Variants in FRY observed in about 807,000 individuals in gnomAD.
The protein encoded by FRY is protein furry homolog.
Under a neutral mutation model 348.4 loss-of-function variants are expected in FRY, and 128 were observed. That is an observed-to-expected ratio of 0.37 (90% CI 0.32 to 0.43). The LOEUF is 0.43. Among genes scored for constraint, FRY ranks in the 20% least tolerant of loss-of-function variants. FRY has a pLI of 1.00. For synonymous variants in FRY, 1,370 were observed against 1,374.7 expected (o/e 1.00, Z 0.08); for missense variants, 2,736 against 3,695.2 (o/e 0.74, Z 6.73).
rs994394060 is a variant in FRY at position 32,098,927 on chromosome 13, G to A, written c.271-3036G>A. Among the ~76,000 whole-genome samples, 104 of 152,044 alleles carry A rather than the reference G, an allele frequency of 6.8e-4. 1 individual carries two copies. The highest frequency in any genetic ancestry group is 2.5e-3 in the African/African-American group (102 of 41,322). ...CTGTATATTTTGCAATGGAGACAGA[G>A]TAGTTGATTTGTAAGGCTCTTGGTG... On this transcript the variant is annotated intron_variant, in intron 2 of 60. Transcript: ENST00000542859.
intron 2 of FRY, among the ~76,000 whole-genome samples, chr13:32,089,672 G>A (rs1292112140): frequency 6.6e-6 from 1 of 152,154 alleles, no homozygotes; most frequent in Non-Finnish European, 1.5e-5. Flanking sequence ...AGGCTGAGGT[G>A]GGAGGACCAT....
intron 19 of FRY, 56 bp downstream of exon 19, chr13:32,173,605 T>C (rs1882215948): frequency 2.3e-6 from 3 of 1,304,326 alleles, no homozygotes; most frequent in African/African-American, 2.9e-5. Context: ...TTCTGAAATT[T>C]AGATTAAAAA....
intron 23 of FRY, among the ~76,000 whole-genome samples, chr13:32,181,967 G>A (rs553943183): frequency 3.9e-5 from 6 of 152,050 alleles, no homozygotes; most frequent in Non-Finnish European, 7.4e-5. Context: ...CCATTTCTTC[G>A]ATGAAGAAAT....
intron 13 of FRY, among the ~76,000 whole-genome samples, chr13:32,149,267 A>G (rs1880651892): frequency 6.6e-6 from 1 of 151,360 alleles, no homozygotes; most frequent in Admixed American, 6.6e-5. Context: ...AATATATCTT[A>G]TGTGTTGATT....
At chr13:32,090,240 C>T (rs1224149684) in intron 2 of FRY, among the ~76,000 whole-genome samples, 1 of 145,754 alleles carries the variant, frequency 6.9e-6, no homozygotes, top group Admixed American at 7.1e-5. Context: ...CCCAGCTACT[C>T]GGGAGGCTGA....
chr13:32,109,950 G>A (rs188725502), intron 3 of FRY, among the ~76,000 whole-genome samples: 40 of 152,272 alleles, frequency 2.6e-4, no homozygotes, highest in African/African-American at 9.4e-4. Flanking sequence ...GAGAAGTCTA[G>A]AGATAGTGCT....
intron 7 of FRY, among the ~76,000 whole-genome samples, chr13:32,125,315 T>G (rs1878952874): frequency 6.6e-6 from 1 of 152,206 alleles, no homozygotes; most frequent in South Asian, 2.1e-4. Context: ...CCAGACTCTG[T>G]CATGGAAACA....
chr13:32,243,735 T>C (rs1886630641), intron 46 of FRY, among the ~76,000 whole-genome samples: 1 of 152,192 alleles, frequency 6.6e-6, no homozygotes. Flanking sequence ...CCACACATGA[T>C]ATAGTCTATT....
intron 59 of FRY, among the ~76,000 whole-genome samples, chr13:32,292,722 G>A (rs1889434650): frequency 6.6e-6 from 1 of 151,950 alleles, no homozygotes; most frequent in Non-Finnish European, 1.5e-5. Context: ...AACCCGGGAG[G>A]AGGAGGTTGC....
chr13:32,209,866 A>C, intron 33 of FRY, 135 bp downstream of exon 33: 2 of 884,242 alleles, frequency 2.3e-6, no homozygotes, highest in Non-Finnish European at 3.7e-6. Context: ...CTGTGAGCTC[A>C]TCCAGATATT....
intron 55 of FRY, among the ~76,000 whole-genome samples, chr13:32,274,005 G>GA (rs1241492554): frequency 6.6e-6 from 1 of 152,144 alleles, no homozygotes; most frequent in South Asian, 2.1e-4. Flanking sequence ...TTTCATGTCT[G>GA]AAAAAATCCA....
chr13:32,251,654 CAT>C (rs776338329), intron 49 of FRY, among the ~76,000 whole-genome samples: 7 of 152,182 alleles, frequency 4.6e-5, no homozygotes, highest in South Asian at 2.1e-4. Context: ...TTTAATAATA[CAT>C]GTTACCTAAC....
chr13:32,290,697 G>A (rs750796725), intron 59 of FRY, among the ~76,000 whole-genome samples: 5 of 152,128 alleles, frequency 3.3e-5, no homozygotes, highest in East Asian at 3.9e-4. Flanking sequence ...ATGGAGACCA[G>A]TGATGAGGCT....
intron 24 of FRY, among the ~76,000 whole-genome samples, chr13:32,183,703 G>A (rs902568894): frequency 2.0e-5 from 3 of 150,798 alleles, no homozygotes; most frequent in Non-Finnish European, 4.4e-5. Context: ...TTGAACCTGG[G>A]AGGTGGAGGT....
intron 58 of FRY, among the ~76,000 whole-genome samples, chr13:32,283,520 G>A (rs980417668): frequency 7.9e-5 from 12 of 152,202 alleles, no homozygotes; most frequent in African/African-American, 2.7e-4. Context: ...TGCAAGAAGC[G>A]TCTCTGCATA....
chr13:32,032,692 A>G (rs559722635), intron 1 of FRY, among the ~76,000 whole-genome samples: 5 of 152,350 alleles, frequency 3.3e-5, no homozygotes, highest in African/African-American at 9.6e-5. Flanking sequence ...CAGGTGATCA[A>G]TGATGCCTTG....
intron 31 of FRY, among the ~76,000 whole-genome samples, chr13:32,204,301 C>T (rs1297818332): frequency 6.8e-6 from 1 of 147,512 alleles, no homozygotes; most frequent in Non-Finnish European, 1.5e-5. Flanking sequence ...ACCACCACCA[C>T]CATCATCATT....
In FRY at chr13:32,296,984, G is replaced by A. The variant is rs2072072810; in HGVS notation, c.*1524G>A. 6.6e-6 allele frequency: 1 copy of A among 152,232 alleles called. No homozygotes were observed. The allele number at this position is 152,232 out of a possible 1,614,324, so 9.4% of individuals were successfully genotyped here. On this transcript the variant is annotated 3_prime_UTR_variant, in exon 61 of 61. Coordinates refer to ENST00000542859, the MANE Select transcript of FRY (RefSeq NM_023037.3). The stretch of plus-strand genomic sequence containing the variant: ...CTATAGTGAGCAGGAAAAAGTAGTA[G>A]AGTTGTAATTCTGTCACCAACACCT...
intron 3 of FRY, among the ~76,000 whole-genome samples, chr13:32,106,632 C>T (rs1411880626): frequency 4.6e-5 from 7 of 152,134 alleles, no homozygotes; most frequent in African/African-American, 1.4e-4. Context: ...CAAAACTTTC[C>T]AACATAGCAT....
Sources: gnomAD v4.1 joint callset for allele counts (sites outside exome capture counted in the v4.1 genomes callset) on GRCh38, gnomAD v4.1.1 for gene constraint, MANE v1.5 for transcripts, NCBI Gene and HGNC (gene_info 2026-07-23, HGNC 2026-07-21) for gene names.